Variants in NSD1 observed in about 807,000 individuals in gnomAD.
The protein encoded by NSD1 is nuclear receptor binding SET domain protein 1, also known as histone-lysine N-methyltransferase, H3 lysine-36 specific.
In NSD1, 26 loss-of-function variants were observed where a neutral mutation model predicts 242.7. The ratio of observed to expected loss-of-function variants is 0.11; its 90% CI spans 0.08 to 0.15. NSD1 has a LOEUF of 0.15. Ranked by LOEUF, NSD1 falls within the 10% of genes least tolerant of loss-of-function variation. The pLI is 1.00. For missense variants in NSD1, 2,495 were observed against 3,272.8 expected, an observed-to-expected ratio of 0.76 and a Z score of 5.80; for synonymous variants, 1,106 against 1,178.1, an observed-to-expected ratio of 0.94 and a Z score of 1.25.
intron 2 of NSD1, among the ~76,000 whole-genome samples, chr5:177,172,180 A>G (rs1163067113): frequency 6.6e-6 from 1 of 152,188 alleles, no homozygotes; most frequent in Non-Finnish European, 1.5e-5. Context: ...ATGTCACTAT[A>G]AACACTTTTG....
intron 5 of NSD1, among the ~76,000 whole-genome samples, chr5:177,225,430 G>A (rs1023923834): frequency 6.6e-6 from 1 of 152,054 alleles, no homozygotes; most frequent in East Asian, 1.9e-4. Flanking sequence ...GGTGTGAGCC[G>A]CCGTGCCCAG....
chr5:177,184,417 T>A (rs1349488498), intron 2 of NSD1, among the ~76,000 whole-genome samples: 2 of 152,242 alleles, frequency 1.3e-5, no homozygotes, highest in Non-Finnish European at 2.9e-5. Flanking sequence ...TATGTCTTTT[T>A]GAGTAATTTC....
intron 15 of NSD1, among the ~76,000 whole-genome samples, chr5:177,268,661 A>G (rs1751344403): frequency 6.6e-6 from 1 of 152,156 alleles, no homozygotes; most frequent in Non-Finnish European, 1.5e-5. Flanking sequence ...CCCCAGAGGT[A>G]ACCACTGTAC....
chr5:177,235,583 C>T (rs1765379316), intron 5 of NSD1, among the ~76,000 whole-genome samples: 1 of 152,062 alleles, frequency 6.6e-6, no homozygotes, highest in East Asian at 1.9e-4. Flanking sequence ...TTTGGATGGG[C>T]CACATATATT....
rs1227074216 is a variant in NSD1, at chr5:177,297,801, G to A, written c.*2342G>A. 4.3e-6 allele frequency: 1 copy of A among 232,880 alleles called. No homozygotes were observed. 14.4% of individuals were successfully genotyped at this position (232,880 alleles called of 1,614,324 possible). A position where few individuals can be genotyped will look rare whatever the true frequency, so the allele number is the denominator to read the frequency against. On this transcript the variant is annotated 3_prime_UTR_variant, in exon 23 of 23. Coordinates refer to ENST00000439151, the MANE Select transcript of NSD1 (RefSeq NM_022455.5). ...GATGTCTCACAGGACAGGAGGGAGT[G>A]AGGGAAAGGGGCCATGATTGGCTGC...
At position 177,294,924 on chromosome 5, in the gene NSD1, C is replaced by T. The variant is rs1223692368; in HGVS notation, c.7556C>T (p.Ala2519Val). 6.2e-7 allele frequency: 1 copy of T among 1,614,020 alleles called. No homozygotes were observed. Among genetic ancestry groups the T allele is most frequent in the Non-Finnish European group, 8.5e-7 (1 of 1,180,012 alleles). ...GATCCTCTTCAGACATCTGGGAAAG[C>T]AGCAGCCCCTTCAGAGGACCCCTGG... ...VSDPLQTSGKAAAPSEDPWQA... is the reference protein window; with the variant it reads ...VSDPLQTSGKVAAPSEDPWQA... Residue 2519 changes from alanine (A) to valine (V), a missense_variant, in exon 23 of 23, where the codon GCA (alanine) becomes GTA (valine). Ala to Val is a moderately conservative substitution (Grantham distance 64, BLOSUM62 0). Transcript: ENST00000439151.
intron 2 of NSD1, among the ~76,000 whole-genome samples, chr5:177,166,782 T>G (rs919296106): frequency 1.3e-5 from 2 of 151,100 alleles, no homozygotes; most frequent in Admixed American, 1.3e-4. Flanking sequence ...AGTCTCGTTC[T>G]GTCGCCCAGG....
rs180947753 is a variant in NSD1 at position 177,180,574 on chromosome 5, T to C, written c.928-11310T>C. 8.6e-5 allele frequency among the ~76,000 whole-genome samples: 13 copies of C among 151,850 alleles called. No homozygotes were observed. In the East Asian group the frequency reaches 2.5e-3, roughly 30 times the overall value. ...TGTAAACTTGTAGTGACTTTGCCCT[T>C]TGCTTAGTCTGTTAATTACTGAGAG... is the stretch of plus-strand genomic sequence containing the variant. On this transcript the variant is annotated intron_variant, in intron 2 of 22. Transcript: ENST00000439151.
intron 5 of NSD1, among the ~76,000 whole-genome samples, chr5:177,233,934 C>T (rs1040800266): frequency 6.6e-6 from 1 of 152,122 alleles, no homozygotes; most frequent in Non-Finnish European, 1.5e-5. Context: ...ATGCTGGCAG[C>T]TGTGAATAGA....
chr5:177,149,235 T>G (rs1757501942), intron 2 of NSD1, among the ~76,000 whole-genome samples: 1 of 151,956 alleles, frequency 6.6e-6, no homozygotes, highest in African/African-American at 2.4e-5. Flanking sequence ...TTTTTTTTTT[T>G]GAGACGGAAT....
At chr5:177,254,657 C>T (rs935331555) in intron 12 of NSD1, among the ~76,000 whole-genome samples, 1 of 152,154 alleles carries the variant, frequency 6.6e-6, no homozygotes. Flanking sequence ...GCTTTGGCCT[C>T]CCAAACTCCC....
At chr5:177,148,478 G>A (rs1171504789) in intron 2 of NSD1, among the ~76,000 whole-genome samples, 6 of 151,798 alleles carry the variant, frequency 4.0e-5, no homozygotes, top group Non-Finnish European at 7.4e-5. Context: ...AGGCTGGAGG[G>A]CAGTGGCGCG....
chr5:177,291,525 C>T (rs1464895591), intron 21 of NSD1, among the ~76,000 whole-genome samples: 2 of 152,076 alleles, frequency 1.3e-5, no homozygotes, highest in African/African-American at 4.8e-5. Flanking sequence ...TGGTGGTGGG[C>T]GCCTGTAATC....
chr5:177,249,552 C>T lies in NSD1; in HGVS notation c.4641+1228C>T, dbSNP rs550129486. Among the ~76,000 whole-genome samples, 154 of 152,212 alleles carry T rather than the reference C, an allele frequency of 1.0e-3. 1 individual carries two copies. The highest frequency in any genetic ancestry group is 1.9e-3 in the Non-Finnish European group (129 of 68,010). ...CGCGATCTCTGCTCACTGCAAGCTC[C>T]GCCTCCTGGGTTCACGCCATTCTCC... On this transcript the variant is annotated intron_variant, in intron 11 of 22. Coordinates refer to ENST00000439151, the MANE Select transcript of NSD1 (RefSeq NM_022455.5).
chr5:177,214,522 T>G (rs1357503035), intron 5 of NSD1, among the ~76,000 whole-genome samples: 1 of 152,194 alleles, frequency 6.6e-6, no homozygotes, highest in Non-Finnish European at 1.5e-5. Context: ...CTAACATTCT[T>G]TCTGCTTCTG....
chr5:177,188,713 G>T (rs536943412), intron 2 of NSD1, among the ~76,000 whole-genome samples: 67 of 152,110 alleles, frequency 4.4e-4, no homozygotes, highest in Middle Eastern at 3.4e-3. Context: ...AGAGGTTTCT[G>T]TGTTGGCCAG....
intron 21 of NSD1, among the ~76,000 whole-genome samples, chr5:177,290,357 G>T (rs1759721451): frequency 6.6e-6 from 1 of 150,920 alleles, no homozygotes. Context: ...TCAACATTAA[G>T]AACTGAAAAA....
chr5:177,155,809 C>T (rs1055075065), intron 2 of NSD1, among the ~76,000 whole-genome samples: 2 of 151,846 alleles, frequency 1.3e-5, no homozygotes, highest in Non-Finnish European at 2.9e-5. Flanking sequence ...CCTCAGCTTC[C>T]CCAGTAGCTG....
At position 177,234,932 on chromosome 5, in the gene NSD1, TAGATGGAGACACAA is replaced by T. The variant is rs150592675; in HGVS notation, c.3797-886_3797-873del. ...ACCTTTTAATCAAAACACAGCATCA[TAGATGGAGACACAA>T]AGCCCGACATTGTTATTACTGTTTT... On this transcript the variant is annotated intron_variant, in intron 5 of 22. Coordinates refer to ENST00000439151, the MANE Select transcript of NSD1 (RefSeq NM_022455.5). 7.1e-3 allele frequency among the ~76,000 whole-genome samples: 1,086 copies of T among 152,322 alleles called. 9 individuals carry two copies. Among genetic ancestry groups the T allele is most frequent in the Middle Eastern group, 0.037 (11 of 294 alleles).
Sources: gnomAD v4.1 joint callset for allele counts (sites outside exome capture counted in the v4.1 genomes callset) on GRCh38, gnomAD v4.1.1 for gene constraint, MANE v1.5 for transcripts, NCBI Gene and HGNC (gene_info 2026-07-23, HGNC 2026-07-21) for gene names.